The following PRKN variants were observed in gnomAD, a reference collection of about 807,000 sequenced individuals.
PRKN encodes parkin RBR E3 ubiquitin protein ligase.
In PRKN, 56 loss-of-function variants were observed where a neutral mutation model predicts 59.5. That is an observed-to-expected ratio of 0.94 (90% CI 0.76 to 1.18). PRKN has a LOEUF of 1.18. Ranked by LOEUF, PRKN falls within the 50% of genes most tolerant of loss-of-function variation. The pLI is 0.00. For missense variants in PRKN, 657 were observed against 596.4 expected, an observed-to-expected ratio of 1.10 and a Z score of -1.06; for synonymous variants, 250 against 222.1, an observed-to-expected ratio of 1.13 and a Z score of -1.12.
chr6:162,714,564 G>C (rs150421968), intron 1 of PRKN, among the ~76,000 whole-genome samples: 1 of 152,126 alleles, frequency 6.6e-6, no homozygotes, highest in Non-Finnish European at 1.5e-5. Context: ...CATCAATCAC[G>C]GAGTAGCCTA....
chr6:162,409,655 T>G (rs1446002324), intron 2 of PRKN, among the ~76,000 whole-genome samples: 1 of 152,216 alleles, frequency 6.6e-6, no homozygotes, highest in Non-Finnish European at 1.5e-5. Flanking sequence ...TAATTTAAAG[T>G]TGTATTACTA....
chr6:161,610,697 G>C (rs543626487), intron 7 of PRKN, among the ~76,000 whole-genome samples: 2 of 152,196 alleles, frequency 1.3e-5, no homozygotes, highest in African/African-American at 2.4e-5. Flanking sequence ...AATGGGGCCA[G>C]GGTGGTCCAG....
At chr6:162,259,345 AG>A (rs1321309559) in intron 3 of PRKN, among the ~76,000 whole-genome samples, 1 of 152,232 alleles carries the variant, frequency 6.6e-6, no homozygotes, top group Non-Finnish European at 1.5e-5. Flanking sequence ...CCTTAGCCAT[AG>A]GGCAGAGTTT....
intron 2 of PRKN, among the ~76,000 whole-genome samples, chr6:162,429,868 C>A (rs1789422980): frequency 6.6e-6 from 1 of 152,146 alleles, no homozygotes; most frequent in Non-Finnish European, 1.5e-5. Context: ...ATGTGCAAAG[C>A]CCCTCTGCGT....
Position 161,445,544 on chromosome 6 carries a change from C to T in PRKN, c.1084-58667G>A, listed in dbSNP as rs889444742. Among the ~76,000 whole-genome samples the T allele has an allele frequency of 1.3e-5, 2 of 152,218 alleles. No homozygotes were observed. Among genetic ancestry groups the T allele is most frequent in the African/African-American group, 4.8e-5 (2 of 41,466 alleles). On this transcript the variant is annotated intron_variant, in intron 9 of 11. Coordinates refer to ENST00000366898, the MANE Select transcript of PRKN (RefSeq NM_004562.3). This position sits in a 1 kb window ranked among gnomAD's most constrained non-coding sequence, Gnocchi z 7.7. ...ACTCTTTTCCTGGACTTCAAGGCAT[C>T]GAAGTGTCAGCTGGCTGCCATCCCA...
chr6:161,911,510 G>A (rs1012213139), intron 6 of PRKN, among the ~76,000 whole-genome samples: 3 of 152,048 alleles, frequency 2.0e-5, no homozygotes, highest in African/African-American at 4.8e-5. Flanking sequence ...TCAACTCTTC[G>A]GAAAGCCACC....
At chr6:161,949,993 A>T (rs550863768) in intron 6 of PRKN, among the ~76,000 whole-genome samples, 52 of 152,346 alleles carry the variant, frequency 3.4e-4, no homozygotes, top group Non-Finnish European at 6.2e-4. Context: ...GGAGATTGGG[A>T]AACAGTTACA....
chr6:161,670,908 GCA>G (rs1224209978), intron 7 of PRKN, among the ~76,000 whole-genome samples: 3 of 152,068 alleles, frequency 2.0e-5, no homozygotes, highest in African/African-American at 7.2e-5. Flanking sequence ...GATTACACCT[GCA>G]CAGACTCTAT....
At chr6:161,763,339 A>G (rs1789282411) in intron 7 of PRKN, among the ~76,000 whole-genome samples, 1 of 152,040 alleles carries the variant, frequency 6.6e-6, no homozygotes, top group Non-Finnish European at 1.5e-5. Flanking sequence ...CTTTGGACCA[A>G]TGGTTCTGTT....
chr6:161,742,561 T>C (rs563241461), intron 7 of PRKN, among the ~76,000 whole-genome samples: 150 of 152,306 alleles, frequency 9.8e-4, no homozygotes, highest in Non-Finnish European at 1.8e-3. Context: ...CCCATGTGCA[T>C]TGTGGAAAGC....
At position 161,548,843 on chromosome 6, in the gene PRKN, G is replaced by T. The variant is rs200409552; in HGVS notation, c.1083+11C>A. The T allele has an allele frequency of 2.5e-6, 4 of 1,613,094 alleles. No individual in the cohort carries two copies. Among genetic ancestry groups the T allele is most frequent in the African/African-American group, 1.3e-5 (1 of 74,898 alleles). ...GGAACACACCGCTCCAGGGGTGTGGGCAGTACTCACCCCACAGCCCAGGCC... is the reference window on the plus strand; with the variant it reads ...GGAACACACCGCTCCAGGGGTGTGGTCAGTACTCACCCCACAGCCCAGGCC... On this transcript the variant is annotated intron_variant, in intron 9 of 11. Transcript: ENST00000366898. This position sits in a 1 kb window ranked among gnomAD's most constrained non-coding sequence, Gnocchi z 4.2.
intron 7 of PRKN, among the ~76,000 whole-genome samples, chr6:161,698,906 A>G (rs1011577992): frequency 1.3e-5 from 2 of 152,156 alleles, no homozygotes; most frequent in Admixed American, 1.3e-4. Flanking sequence ...GGACTTCATC[A>G]AAGTGAAAAG....
chr6:162,647,949 C>CAAAAAAAAAAAAAAAAAAAA (rs398003250), intron 1 of PRKN, among the ~76,000 whole-genome samples: 4 of 75,650 alleles, frequency 5.3e-5, no homozygotes, highest in Non-Finnish European at 9.5e-5. Flanking sequence ...GTCCACAGTG[C>CAAAAAAAAAAAAAAAAAAAA]AAAAAAAAAA....
At chr6:162,524,748 C>CT (rs1420553138) in intron 1 of PRKN, among the ~76,000 whole-genome samples, 1 of 152,134 alleles carries the variant, frequency 6.6e-6, no homozygotes, top group Non-Finnish European at 1.5e-5. Flanking sequence ...AAACAACCCA[C>CT]TTTTTGATAC....
intron 3 of PRKN, among the ~76,000 whole-genome samples, chr6:162,215,484 C>A (rs966956626): frequency 6.6e-6 from 1 of 152,120 alleles, no homozygotes; most frequent in African/African-American, 2.4e-5. Flanking sequence ...GGATTCTAAA[C>A]TAAATGTTTC....
chr6:162,453,475 T>C (rs532144598), intron 1 of PRKN, among the ~76,000 whole-genome samples: 2 of 152,248 alleles, frequency 1.3e-5, no homozygotes, highest in South Asian at 2.1e-4. Context: ...AAGACGTGTA[T>C]ACTGTGGCTA....
intron 6 of PRKN, among the ~76,000 whole-genome samples, chr6:161,942,087 T>C (rs903727898): frequency 2.6e-5 from 4 of 152,160 alleles, no homozygotes; most frequent in African/African-American, 9.7e-5. Flanking sequence ...ACCTGAAATA[T>C]GGCCCTCGAG....
intron 9 of PRKN, among the ~76,000 whole-genome samples, chr6:161,435,079 T>C (rs1788819346): frequency 6.6e-6 from 1 of 152,112 alleles, no homozygotes; most frequent in African/African-American, 2.4e-5. Flanking sequence ...CACTGGTAAC[T>C]AGGTTAATGT....
intron 1 of PRKN, among the ~76,000 whole-genome samples, chr6:162,710,328 G>T (rs1292623997): frequency 6.8e-6 from 1 of 147,802 alleles, no homozygotes; most frequent in Non-Finnish European, 1.5e-5. Flanking sequence ...CTGGGTTTAA[G>T]ATCTCCCTAT....
Sources: gnomAD v4.1 joint callset for allele counts (sites outside exome capture counted in the v4.1 genomes callset) on GRCh38, gnomAD v4.1.1 for gene constraint, Gnocchi (gnomAD v3.1) non-coding constraint, MANE v1.5 for transcripts, NCBI Gene and HGNC (gene_info 2026-07-23, HGNC 2026-07-21) for gene names.